Variants in NR5A2 observed in about 807,000 individuals in gnomAD.
NR5A2 encodes the protein CYP7A promoter-binding factor.
Under a neutral mutation model 62.7 loss-of-function variants are expected in NR5A2, and 26 were observed. That is an observed-to-expected ratio of 0.41 (90% CI 0.30 to 0.58). NR5A2 has a LOEUF of 0.58. Among genes scored for constraint, NR5A2 ranks in the 20% least tolerant of loss-of-function variants. NR5A2 has a pLI of 0.22. For missense variants in NR5A2, 541 were observed against 669.1 expected, an observed-to-expected ratio of 0.81 and a Z score of 2.11; for synonymous variants, 246 against 241.7, an observed-to-expected ratio of 1.02 and a Z score of -0.16.
chr1:200,144,606 T>C (rs1667604133), intron 7 of NR5A2, among the ~76,000 whole-genome samples: 1 of 152,160 alleles, frequency 6.6e-6, no homozygotes, highest in Non-Finnish European at 1.5e-5. Flanking sequence ...TTTTATTACA[T>C]TTGCCATGAT....
chr1:200,051,893 A>G (rs1662650063), intron 5 of NR5A2, among the ~76,000 whole-genome samples: 1 of 152,188 alleles, frequency 6.6e-6, no homozygotes, highest in Non-Finnish European at 1.5e-5. Flanking sequence ...ATGGCAGGAC[A>G]TAGTGTACCA....
chr1:200,027,787 C>A lies in NR5A2; in HGVS notation c.-61C>A, dbSNP rs964040584. 19 of 1,320,640 alleles carry A rather than the reference C, an allele frequency of 1.4e-5. No homozygotes were observed. Among genetic ancestry groups the A allele is most frequent in the African/African-American group, 2.9e-5 (2 of 67,916 alleles). The allele number at this position is 1,320,640 out of a possible 1,614,324, so 81.8% of individuals were successfully genotyped here. A position where few individuals can be genotyped will look rare whatever the true frequency, so the allele number is the denominator to read the frequency against. On this transcript the variant is annotated 5_prime_UTR_variant, in exon 1 of 8. Coordinates refer to ENST00000367362, the MANE Select transcript of NR5A2 (RefSeq NM_205860.3). ...AGGCCACGAAATTTGACAAGCTGCA[C>A]TTTTCTTTTGCTCAATGATTTCTGC...
chr1:200,047,584 C>CTTTTTTTTTTTTT (rs3066613), intron 4 of NR5A2, among the ~76,000 whole-genome samples: 3 of 148,360 alleles, frequency 2.0e-5, no homozygotes, highest in African/African-American at 5.1e-5. Context: ...TATTTCTTTT[C>CTTTTTTTTTTTTT]TTTTTTTTGA....
At chr1:200,098,544 G>C (rs1665208868) in intron 5 of NR5A2, among the ~76,000 whole-genome samples, 1 of 152,194 alleles carries the variant, frequency 6.6e-6, no homozygotes, top group Admixed American at 6.5e-5. Flanking sequence ...AGAGCACTGG[G>C]CTTGGATTCA....
intron 5 of NR5A2, among the ~76,000 whole-genome samples, chr1:200,058,908 G>A (rs551989384): frequency 8.1e-5 from 12 of 147,694 alleles, no homozygotes; most frequent in South Asian, 2.3e-4. Flanking sequence ...TCAGGAGTTC[G>A]AGACCAGCCT....
chr1:200,174,395 G>C lies in NR5A2; in HGVS notation c.*185G>C. The C allele has an allele frequency of 3.9e-6, 2 of 516,752 alleles. No individual in the cohort carries two copies. Among genetic ancestry groups the C allele is most frequent in the Non-Finnish European group, 6.1e-6 (2 of 326,392 alleles). 32.0% of individuals were successfully genotyped at this position (516,752 alleles called of 1,614,324 possible). On this transcript the variant is annotated 3_prime_UTR_variant, in exon 8 of 8. Coordinates refer to ENST00000367362, the MANE Select transcript of NR5A2 (RefSeq NM_205860.3). The stretch of plus-strand genomic sequence containing the variant: ...AAATACTTAATAGCAAATAAATGAT[G>C]TATCAGGGTATTTGTATTGCAAACT...
chr1:200,080,723 A>G (rs1664254682), intron 5 of NR5A2, among the ~76,000 whole-genome samples: 1 of 152,220 alleles, frequency 6.6e-6, no homozygotes, highest in African/African-American at 2.4e-5. Flanking sequence ...CATTATCATC[A>G]CAGATACACT....
intron 5 of NR5A2, among the ~76,000 whole-genome samples, chr1:200,109,092 C>T (rs76336824): frequency 1.2e-3 from 176 of 152,290 alleles, no homozygotes; most frequent in Non-Finnish European, 1.9e-3. Context: ...GCAGTGACTG[C>T]GTTTATCTTG....
chr1:200,059,061 G>A (rs1448941993), intron 5 of NR5A2, among the ~76,000 whole-genome samples: 2 of 151,982 alleles, frequency 1.3e-5, no homozygotes, highest in Admixed American at 6.5e-5. Context: ...AGTAAGCCAA[G>A]ATCGCACTAC....
At chr1:200,055,774 T>C (rs1446403358) in intron 5 of NR5A2, among the ~76,000 whole-genome samples, 1 of 152,218 alleles carries the variant, frequency 6.6e-6, no homozygotes, top group East Asian at 1.9e-4. Context: ...GTCAAATTTT[T>C]CAATGAATGA....
At chr1:200,130,272 T>G (rs1202586681) in intron 7 of NR5A2, among the ~76,000 whole-genome samples, 15 of 122,700 alleles carry the variant, frequency 1.2e-4, no homozygotes, top group Non-Finnish European at 8.9e-5. Context: ...TTGCAGGAAC[T>G]AACTAGGAAG....
At chr1:200,028,462 C>A (rs1294658529) in intron 1 of NR5A2, among the ~76,000 whole-genome samples, 1 of 148,774 alleles carries the variant, frequency 6.7e-6, no homozygotes, top group Non-Finnish European at 1.5e-5. Context: ...ACTAGACCAT[C>A]ATTAGTAAAG....
intron 5 of NR5A2, among the ~76,000 whole-genome samples, chr1:200,103,367 G>A (rs1395380948): frequency 6.6e-6 from 1 of 151,984 alleles, no homozygotes; most frequent in African/African-American, 2.4e-5. Flanking sequence ...TGATCCACCC[G>A]CCTTGGCCTC....
intron 6 of NR5A2, among the ~76,000 whole-genome samples, chr1:200,111,577 G>A (rs868416176): frequency 2.0e-5 from 3 of 152,144 alleles, no homozygotes; most frequent in South Asian, 2.1e-4. Context: ...ACAAGGGTCC[G>A]AAGAACTGGT....
At chr1:200,165,001 C>T (rs1021637241) in intron 7 of NR5A2, among the ~76,000 whole-genome samples, 16 of 148,784 alleles carry the variant, frequency 1.1e-4, no homozygotes, top group African/African-American at 1.5e-4. Flanking sequence ...CTCAGCCTCC[C>T]GAGTAGCTGG....
chr1:200,110,166 G>A (rs190529539), intron 5 of NR5A2, among the ~76,000 whole-genome samples: 26 of 152,262 alleles, frequency 1.7e-4, no homozygotes, highest in African/African-American at 5.8e-4. Context: ...TGTTTTGCAT[G>A]TCAAATCTAA....
intron 5 of NR5A2, among the ~76,000 whole-genome samples, chr1:200,052,211 G>A (rs1165222469): frequency 1.3e-5 from 2 of 152,236 alleles, no homozygotes; most frequent in South Asian, 2.1e-4. Flanking sequence ...TAATAACTCC[G>A]GAAAAAGGTC....
chr1:200,084,348 A>G lies in NR5A2; in HGVS notation c.1111-26854A>G, dbSNP rs183827589. The stretch of plus-strand genomic sequence containing the variant: ...TCCCAACTGGCATATGGTGAGTTCA[A>G]GTACATTTCCCACATATGCTCAGGG... On this transcript the variant is annotated intron_variant, in intron 5 of 7. Coordinates refer to ENST00000367362, the MANE Select transcript of NR5A2 (RefSeq NM_205860.3). 2.5e-3 allele frequency among the ~76,000 whole-genome samples: 379 copies of G among 152,324 alleles called. 1 individual carries two copies. The highest frequency in any genetic ancestry group is 7.9e-3 in the African/African-American group (328 of 41,576).
At chr1:200,092,364 A>C (rs1404154382) in intron 5 of NR5A2, among the ~76,000 whole-genome samples, 3 of 152,158 alleles carry the variant, frequency 2.0e-5, no homozygotes, top group Non-Finnish European at 4.4e-5. Context: ...CTTTATTAAA[A>C]GCGAGCAAAT....
Sources: gnomAD v4.1 joint callset for allele counts (sites outside exome capture counted in the v4.1 genomes callset) on GRCh38, gnomAD v4.1.1 for gene constraint, MANE v1.5 for transcripts, NCBI Gene and HGNC (gene_info 2026-07-23, HGNC 2026-07-21) for gene names.